The following DUSP16 variants were observed in gnomAD, a reference collection of about 807,000 sequenced individuals.
DUSP16 encodes the protein dual specificity protein phosphatase 16.
DUSP16 carries 21 observed loss-of-function variants against 58.3 expected under a neutral mutation model. That is an observed-to-expected ratio of 0.36 (90% confidence interval 0.26 to 0.52). The LOEUF (loss-of-function observed/expected upper bound fraction) is 0.52. DUSP16 is among the 20% of genes least tolerant of loss of function. The pLI is 0.94. For synonymous variants in DUSP16, 320 were observed against 323.8 expected (o/e 0.99, Z 0.12); for missense variants, 726 against 819.0 (o/e 0.89, Z 1.39).
intron 1 of DUSP16, among the ~76,000 whole-genome samples, chr12:12,542,199 T>C (rs1396114259): frequency 6.6e-6 from 1 of 151,458 alleles, no homozygotes; most frequent in East Asian, 1.9e-4. Context: ...CATGGAGAAA[T>C]CCCGTCTCTA....
intron 1 of DUSP16, among the ~76,000 whole-genome samples, chr12:12,529,224 A>C (rs1944348294): frequency 6.6e-6 from 1 of 152,100 alleles, no homozygotes; most frequent in African/African-American, 2.4e-5. Context: ...TGATCCTCCC[A>C]CTTCAGTCTC....
intron 1 of DUSP16, among the ~76,000 whole-genome samples, chr12:12,556,845 T>C (rs1316503969): frequency 6.6e-6 from 1 of 152,326 alleles, no homozygotes; most frequent in East Asian, 1.9e-4. Flanking sequence ...CAATATGCCA[T>C]AGGGACAAGA....
At chr12:12,527,982 G>A (rs1944329268) in intron 1 of DUSP16, among the ~76,000 whole-genome samples, 1 of 152,204 alleles carries the variant, frequency 6.6e-6, no homozygotes. Context: ...GCACAGGCCA[G>A]CCCAGGCAGA....
intron 5 of DUSP16, among the ~76,000 whole-genome samples, chr12:12,485,858 A>G (rs1464766293): frequency 7.3e-6 from 1 of 137,670 alleles, no homozygotes; most frequent in Non-Finnish European, 1.5e-5. Flanking sequence ...CAATGGTGCA[A>G]TCTTGGCTCA....
At chr12:12,518,492 G>A (rs1378379512) in intron 3 of DUSP16, among the ~76,000 whole-genome samples, 3 of 150,064 alleles carry the variant, frequency 2.0e-5, no homozygotes, top group Admixed American at 6.7e-5. Context: ...TAGCCTGGGC[G>A]ACAGGGCAAA....
intron 1 of DUSP16, among the ~76,000 whole-genome samples, chr12:12,543,526 TTATA>T (rs1174882936): frequency 4.6e-5 from 7 of 152,226 alleles, no homozygotes; most frequent in Admixed American, 1.3e-4. Context: ...ATAATTTGTC[TTATA>T]TAAATACCTG....
At chr12:12,530,256 T>C (rs890627948) in intron 1 of DUSP16, among the ~76,000 whole-genome samples, 1 of 152,234 alleles carries the variant, frequency 6.6e-6, no homozygotes, top group African/African-American at 2.4e-5. Context: ...ATTTCTCTGA[T>C]GATGAGTGAT....
At chr12:12,533,182 G>A (rs570297046) in intron 1 of DUSP16, among the ~76,000 whole-genome samples, 79 of 152,222 alleles carry the variant, frequency 5.2e-4, no homozygotes, top group Middle Eastern at 3.4e-3. Flanking sequence ...AGTTTATTTG[G>A]TATACAAAGG....
At chr12:12,539,777 A>C (rs542141507) in intron 1 of DUSP16, among the ~76,000 whole-genome samples, 87 of 148,414 alleles carry the variant, frequency 5.9e-4, no homozygotes, top group African/African-American at 2.1e-3. Flanking sequence ...AAGGCTGGGC[A>C]CAGTGGTTCA....
intron 1 of DUSP16, among the ~76,000 whole-genome samples, chr12:12,544,232 T>C (rs1255499807): frequency 6.6e-6 from 1 of 152,216 alleles, no homozygotes; most frequent in Admixed American, 6.5e-5. Flanking sequence ...TTGAGCTCTT[T>C]TGTGTCTGAA....
chr12:12,545,783 G>C (rs949139467), intron 1 of DUSP16, among the ~76,000 whole-genome samples: 5 of 152,046 alleles, frequency 3.3e-5, no homozygotes, highest in Admixed American at 6.5e-5. Flanking sequence ...TAACAGATAA[G>C]AGAGTACATG....
intron 1 of DUSP16, among the ~76,000 whole-genome samples, chr12:12,533,777 A>C (rs1275879184): frequency 1.3e-5 from 2 of 152,090 alleles, no homozygotes; most frequent in Non-Finnish European, 2.9e-5. Flanking sequence ...CAACTCATCT[A>C]CTAAAATGCT....
At chr12:12,503,965 C>A (rs1318095044) in intron 3 of DUSP16, among the ~76,000 whole-genome samples, 6 of 152,242 alleles carry the variant, frequency 3.9e-5, no homozygotes, top group East Asian at 3.9e-4. Flanking sequence ...AACCCACAGA[C>A]AATCTCAAAA....
At chr12:12,556,615 A>G (rs942371204) in intron 1 of DUSP16, among the ~76,000 whole-genome samples, 3 of 152,154 alleles carry the variant, frequency 2.0e-5, no homozygotes, top group Non-Finnish European at 2.9e-5. Context: ...AAAAGAGTGA[A>G]GGGCACATAT....
At chr12:12,541,902 A>C (rs1257441208) in intron 1 of DUSP16, among the ~76,000 whole-genome samples, 1 of 149,818 alleles carries the variant, frequency 6.7e-6, no homozygotes, top group Non-Finnish European at 1.5e-5. Flanking sequence ...AGCCAAAAAA[A>C]TTAATCAACT....
At chr12:12,521,508 AAAG>A in intron 1 of DUSP16, 45 bp from the exon 2 acceptor site, 1 of 896,376 alleles carries the variant, frequency 1.1e-6, no homozygotes, top group Non-Finnish European at 1.4e-6. Context: ...GAGGTCAAAA[AAAG>A]AAGAAAGAGT....
At chr12:12,484,044 A>T (rs1943630002) in intron 5 of DUSP16, among the ~76,000 whole-genome samples, 1 of 152,076 alleles carries the variant, frequency 6.6e-6, no homozygotes, top group African/African-American at 2.4e-5. Context: ...GTTTGAGAAT[A>T]ATTAGCTCTT....
rs1943419579 is a variant in DUSP16, at chr12:12,475,772, A to G, written c.*1061T>C. 1 of 152,222 alleles carries G rather than the reference A, an allele frequency of 6.6e-6. No homozygotes were observed. The highest frequency in any genetic ancestry group is 2.4e-5 in the African/African-American group (1 of 41,454). 9.4% of individuals were successfully genotyped at this position (152,222 alleles called of 1,614,324 possible). A position where few individuals can be genotyped will look rare whatever the true frequency, so the allele number is the denominator to read the frequency against. ...AGGAAGTTTCCTATAAAATTCTGCC[A>G]TATTATTACATTTTACCAACTGTAT... On this transcript the variant is annotated 3_prime_UTR_variant, in exon 7 of 7. Transcript: ENST00000298573.
chr12:12,518,919 T>C (rs898105494), intron 3 of DUSP16, among the ~76,000 whole-genome samples: 1 of 152,226 alleles, frequency 6.6e-6, no homozygotes. Context: ...GGAAATCTTA[T>C]CTAAACCTGC....
Sources: gnomAD v4.1 joint callset for allele counts (sites outside exome capture counted in the v4.1 genomes callset) on GRCh38, gnomAD v4.1.1 for gene constraint, MANE v1.5 for transcripts, NCBI Gene and HGNC (gene_info 2026-07-23, HGNC 2026-07-21) for gene names.